Variants in TMTC3 observed in about 807,000 individuals in gnomAD.
TMTC3 encodes transmembrane O-mannosyltransferase targeting cadherins 3.
Under a neutral mutation model 92.2 loss-of-function variants are expected in TMTC3, and 52 were observed. The observed-to-expected ratio is 0.56, with a 90% CI of 0.45 to 0.71. The LOEUF (loss-of-function observed/expected upper bound fraction) is 0.71. Ranked by LOEUF, TMTC3 falls within the 30% of genes least tolerant of loss-of-function variation. The pLI is 0.00. For synonymous variants in TMTC3, 339 were observed against 363.3 expected (o/e 0.93, Z 0.76); for missense variants, 896 against 1,057.1 (o/e 0.85, Z 2.11).
At chr12:88,174,574 T>A (rs1295706549) in intron 8 of TMTC3, 33 bp from the exon 9 acceptor site, 3 of 1,569,404 alleles carry the variant, frequency 1.9e-6, no homozygotes, top group East Asian at 4.6e-5. Flanking sequence ...ATGAAGACAA[T>A]TTTTTTTGTT....
chr12:88,188,922 G>T lies in TMTC3; in HGVS notation c.1512G>T (p.Met504Ile). Reference sequence around the variant, plus strand: ...CCAAAGAAGCTGAAGAATCTTACATGATGGCTAAATCACTGATGCCTCAAG... The same window carrying T: ...CCAAAGAAGCTGAAGAATCTTACATTATGGCTAAATCACTGATGCCTCAAG... Reference protein sequence around the residue: ...NRTKEAEESYMMAKSLMPQII... With the variant: ...NRTKEAEESYIMAKSLMPQII... Residue 504 changes from methionine to isoleucine, a missense_variant, in exon 11 of 14, where the codon ATG becomes ATT. Transcript: ENST00000266712. 1 of 1,600,428 alleles carries T rather than the reference G, an allele frequency of 6.2e-7. No individual in the cohort carries two copies. The highest frequency in any genetic ancestry group is 1.1e-5 in the South Asian group (1 of 88,606).
chr12:88,183,784 T>C (rs1254286213), intron 10 of TMTC3, among the ~76,000 whole-genome samples: 4 of 152,232 alleles, frequency 2.6e-5, no homozygotes, highest in Non-Finnish European at 5.9e-5. Flanking sequence ...GAAACAGCAG[T>C]TTGCATTATG....
chr12:88,157,318 A>G (rs758325572), intron 4 of TMTC3, among the ~76,000 whole-genome samples: 1 of 150,844 alleles, frequency 6.6e-6, no homozygotes, highest in African/African-American at 2.4e-5. Flanking sequence ...TGTATTCCCT[A>G]TTGTATCTAG....
intron 1 of TMTC3, among the ~76,000 whole-genome samples, chr12:88,144,295 T>A (rs940415650): frequency 6.6e-6 from 1 of 152,160 alleles, no homozygotes; most frequent in Non-Finnish European, 1.5e-5. Context: ...CCTCTGACAA[T>A]GGTAGGAATG....
chr12:88,155,302 A>C (rs773715712), intron 4 of TMTC3, among the ~76,000 whole-genome samples: 9 of 152,218 alleles, frequency 5.9e-5, no homozygotes, highest in Non-Finnish European at 1.0e-4. Flanking sequence ...TATCTGTTAA[A>C]TGTGCATAAT....
intron 10 of TMTC3, among the ~76,000 whole-genome samples, chr12:88,179,973 T>A (rs1443914397): frequency 6.6e-6 from 1 of 152,220 alleles, no homozygotes; most frequent in Non-Finnish European, 1.5e-5. Flanking sequence ...GCCATAATTC[T>A]CTTCTGAAGC....
At chr12:88,154,147 AC>A in intron 3 of TMTC3, 140 bp from the exon 4 acceptor site, 1 of 586,554 alleles carries the variant, frequency 1.7e-6, no homozygotes, top group Non-Finnish European at 2.9e-6. Flanking sequence ...CAAATTCACC[AC>A]CTGAGGGCAC....
intron 4 of TMTC3, among the ~76,000 whole-genome samples, chr12:88,155,970 C>T (rs374408347): frequency 5.9e-5 from 9 of 152,000 alleles, no homozygotes; most frequent in East Asian, 1.9e-4. Flanking sequence ...ATTAGCCAGG[C>T]GTAGTGGCAG....
At chr12:88,165,478 T>G (rs1206020064) in intron 6 of TMTC3, among the ~76,000 whole-genome samples, 8 of 152,072 alleles carry the variant, frequency 5.3e-5, no homozygotes, top group Non-Finnish European at 7.4e-5. Context: ...TTTGTTCAAA[T>G]AGTATTTATT....
intron 10 of TMTC3, among the ~76,000 whole-genome samples, chr12:88,183,708 T>G (rs543068829): frequency 7.9e-5 from 12 of 152,294 alleles, no homozygotes; most frequent in Admixed American, 2.6e-4. Flanking sequence ...GATGTTAAGA[T>G]TTCTCCACAC....
At position 88,166,446 on chromosome 12, in the gene TMTC3, C is replaced by T; in HGVS notation, c.914C>T (p.Thr305Ile). The change falls in exon 7 of 14, where the codon ACC (threonine) becomes ATC (isoleucine). Residue 305 changes from threonine to isoleucine, a missense_variant. By Grantham distance (89) the Thr-to-Ile change is moderately conservative (BLOSUM62 -1). Coordinates refer to ENST00000266712, the MANE Select transcript of TMTC3 (RefSeq NM_181783.4). ...CCTTCAGAGCTCTGCTGTGATTGGA[C>T]CATGGGAACAATACCACTTATAGAG... ...LNPSELCCDW[T>I]MGTIPLIESL... 6.2e-7 allele frequency: 1 copy of T among 1,613,882 alleles called. No homozygotes were observed. The highest frequency in any genetic ancestry group is 8.5e-7 in the Non-Finnish European group (1 of 1,179,946).
In TMTC3 at chr12:88,190,698, T is replaced by C; in HGVS notation, c.1706+76T>C. 3 of 1,434,696 alleles carry C rather than the reference T, an allele frequency of 2.1e-6. No individual in the cohort carries two copies. In the South Asian group the frequency reaches 4.3e-5, roughly 20 times the overall value. 88.9% of individuals were successfully genotyped at this position (1,434,696 alleles called of 1,614,324 possible). ...TCCATGTACATTTTGAATGAATTGG[T>C]TTTTTTTGAAAAAAAATTATGTTTT... On this transcript the variant is annotated intron_variant, in intron 12 of 13. Transcript: ENST00000266712.
In TMTC3 at chr12:88,196,401, T is replaced by C. The variant is rs2041512713; in HGVS notation, c.*752T>C. 1 of 145,356 alleles carries C rather than the reference T, an allele frequency of 6.9e-6. No individual in the cohort carries two copies. The highest frequency in any genetic ancestry group is 2.1e-4 in the South Asian group (1 of 4,672). The allele number at this position is 145,356 out of a possible 1,614,324, so 9.0% of individuals were successfully genotyped here. On this transcript the variant is annotated 3_prime_UTR_variant, in exon 14 of 14. Coordinates refer to ENST00000266712, the MANE Select transcript of TMTC3 (RefSeq NM_181783.4). The stretch of plus-strand genomic sequence containing the variant: ...CACAACATGAATCACATAATCATGA[T>C]TTTTTTTTTTTACTTTTACTCCCCA...
chr12:88,179,401 A>C (rs554352122), intron 10 of TMTC3, among the ~76,000 whole-genome samples: 1 of 152,264 alleles, frequency 6.6e-6, no homozygotes, highest in African/African-American at 2.4e-5. Context: ...AATCACTCTA[A>C]GTTTTCTATC....
chr12:88,173,183 C>T (rs765234720), intron 8 of TMTC3: 53 of 979,618 alleles, frequency 5.4e-5, no homozygotes, highest in Non-Finnish European at 6.6e-5. Context: ...ATCTTTGTAT[C>T]CTAGTTGCCT....
rs757026987 is a variant in TMTC3 at position 88,190,614 on chromosome 12, C to T, written c.1698C>T (p.Tyr566=). ...TGAGGCCCGACTTCAAGCAGGCTTA[C>T]ATTAGCAGGTATCCCAGTTCAACTT... ...ISMRPDFKQA[Y]ISRGELLLKM... The change falls in exon 12 of 14, where the codon TAC becomes TAT. Residue 566 remains tyrosine, a synonymous_variant. Transcript: ENST00000266712. The T allele has an allele frequency of 2.5e-6, 4 of 1,613,506 alleles. No homozygotes were observed. In the South Asian group the frequency reaches 3.3e-5, roughly 13 times the overall value.
At chr12:88,162,278 A>T (rs1376903725) in intron 6 of TMTC3, among the ~76,000 whole-genome samples, 1 of 151,994 alleles carries the variant, frequency 6.6e-6, no homozygotes, top group Non-Finnish European at 1.5e-5. Flanking sequence ...CCTGTTTACC[A>T]TTGTTTCTTA....
intron 11 of TMTC3, among the ~76,000 whole-genome samples, chr12:88,189,550 A>T (rs746772711): frequency 2.6e-5 from 4 of 152,214 alleles, no homozygotes; most frequent in Non-Finnish European, 4.4e-5. Context: ...ACAGTTCAAC[A>T]TTATTCCTAT....
chr12:88,185,123 A>G (rs1030664383), intron 10 of TMTC3, among the ~76,000 whole-genome samples: 3 of 152,314 alleles, frequency 2.0e-5, no homozygotes, highest in African/African-American at 4.8e-5. Context: ...ACATAATTTG[A>G]TAAGTTTCGG....
Sources: allele counts gnomAD v4.1 joint callset (sites outside exome capture counted in the v4.1 genomes callset), GRCh38; gene constraint gnomAD v4.1.1; transcripts MANE v1.5; gene names NCBI Gene and HGNC (gene_info 2026-07-23, HGNC 2026-07-21).